Variants in NXPE2 observed in about 807,000 individuals in gnomAD.
The protein encoded by NXPE2 is neurexophilin and PC-esterase domain family member 2.
In NXPE2, 34 loss-of-function variants were observed where a neutral mutation model predicts 34.4. That is an observed-to-expected ratio of 0.99 (90% CI 0.75 to 1.31). The LOEUF (loss-of-function observed/expected upper bound fraction) is 1.31. Among genes scored for constraint, NXPE2 ranks in the 40% most tolerant of loss-of-function variants. The pLI is 0.00. For missense variants in NXPE2, 649 were observed against 672.5 expected, an observed-to-expected ratio of 0.97 and a Z score of 0.39; for synonymous variants, 235 against 231.3, an observed-to-expected ratio of 1.02 and a Z score of -0.15.
chr11:114,528,004 C>T, the NXPE2 span: 1 of 731,838 alleles, frequency 1.4e-6, no homozygotes, highest in Non-Finnish European at 2.2e-6. Context: ...TTTTCTATAA[C>T]TGGAAGCTGT....
chr11:114,513,876 A>G, the NXPE2 span, among the ~76,000 whole-genome samples: 1 of 150,942 alleles, frequency 6.6e-6, no homozygotes, highest in Admixed American at 6.6e-5. Flanking sequence ...GACTTTTTGT[A>G]AAAATTCATT....
At chr11:114,464,933 A>C in the NXPE2 span, among the ~76,000 whole-genome samples, 1 of 152,214 alleles carries the variant, frequency 6.6e-6, no homozygotes, top group Admixed American at 6.5e-5. Flanking sequence ...TGAATGTCCA[A>C]TAAACAGGAA....
chr11:114,488,192 C>T, the NXPE2 span, among the ~76,000 whole-genome samples: 1 of 152,002 alleles, frequency 6.6e-6, no homozygotes, highest in Admixed American at 6.6e-5. Context: ...TGTGATTGGC[C>T]TATTTAGGTT....
chr11:114,500,908 T>C, the NXPE2 span, among the ~76,000 whole-genome samples: 2 of 152,218 alleles, frequency 1.3e-5, no homozygotes, highest in Non-Finnish European at 2.9e-5. Context: ...TTGGTGACTT[T>C]GTTGAAAATC....
the NXPE2 span, among the ~76,000 whole-genome samples, chr11:114,622,144 G>A: frequency 6.6e-6 from 1 of 152,048 alleles, no homozygotes; most frequent in African/African-American, 2.4e-5. Flanking sequence ...ATTGCCTCAT[G>A]GGTAGCCACT....
At chr11:114,517,624 G>T in the NXPE2 span, among the ~76,000 whole-genome samples, 56 of 152,316 alleles carry the variant, frequency 3.7e-4, no homozygotes, top group African/African-American at 1.3e-3. Flanking sequence ...TGGGCCCAGT[G>T]CTAAGGACTA....
rs1272477488 is a variant in NXPE2, at chr11:114,694,736, G to A, written c.133-3309G>A. ...CAGTCTGTTCATGAGTTCATCAAAG[G>A]TGTTCTTTATTCTGATATAGTGTTT... is the stretch of plus-strand genomic sequence containing the variant. On this transcript the variant is annotated intron_variant, in intron 2 of 5. Coordinates refer to ENST00000389586, the MANE Select transcript of NXPE2 (RefSeq NM_182495.6). Among the ~76,000 whole-genome samples, 4 of 152,102 alleles carry A rather than the reference G, an allele frequency of 2.6e-5. No individual in the cohort carries two copies. The East Asian group carries it at 7.7e-4, about 29-fold the overall frequency.
chr11:114,609,736 A>G, the NXPE2 span, among the ~76,000 whole-genome samples: 15 of 140,580 alleles, frequency 1.1e-4, no homozygotes, highest in East Asian at 4.6e-4. Flanking sequence ...TGCCTCATGG[A>G]TAACCACTGT....
the NXPE2 span, among the ~76,000 whole-genome samples, chr11:114,800,040 GA>G: frequency 6.6e-6 from 1 of 152,078 alleles, no homozygotes; most frequent in East Asian, 1.9e-4. Flanking sequence ...CTTGGTCTGT[GA>G]CTTCCGGCTA....
the NXPE2 span, among the ~76,000 whole-genome samples, chr11:114,611,252 G>C: frequency 6.6e-6 from 1 of 151,790 alleles, no homozygotes; most frequent in Non-Finnish European, 1.5e-5. Context: ...AATAGGTATT[G>C]CTTCTAGGGT....
At chr11:114,758,078 TAGAA>T in the NXPE2 span, among the ~76,000 whole-genome samples, 4 of 152,350 alleles carry the variant, frequency 2.6e-5, no homozygotes, top group South Asian at 2.1e-4. Context: ...TCCACAGGTG[TAGAA>T]AGAGTGAATT....
At chr11:114,586,177 A>T in the NXPE2 span, among the ~76,000 whole-genome samples, 3 of 152,192 alleles carry the variant, frequency 2.0e-5, no homozygotes, top group African/African-American at 4.8e-5. Flanking sequence ...GGACCAAAAG[A>T]CCCACTTAAA....
the NXPE2 span, among the ~76,000 whole-genome samples, chr11:114,484,425 C>T: frequency 6.6e-6 from 1 of 152,128 alleles, no homozygotes; most frequent in African/African-American, 2.4e-5. Context: ...TCTTTCTCCT[C>T]TCTGGGCTTG....
At chr11:114,500,224 T>G in the NXPE2 span, among the ~76,000 whole-genome samples, 1 of 152,100 alleles carries the variant, frequency 6.6e-6, no homozygotes, top group South Asian at 2.1e-4. Context: ...ATATATTCCA[T>G]ACAGAAATGC....
At chr11:114,666,730 T>C in the NXPE2 span, among the ~76,000 whole-genome samples, 64 of 152,234 alleles carry the variant, frequency 4.2e-4, no homozygotes, top group African/African-American at 1.5e-3. Context: ...GGCATATGCA[T>C]GTGAGAAGCT....
the NXPE2 span, chr11:114,582,298 G>A: frequency 6.4e-7 from 1 of 1,572,204 alleles, no homozygotes; most frequent in Admixed American, 1.9e-5. Context: ...CTTTCAAAGA[G>A]GCTCTTTTCT....
the NXPE2 span, among the ~76,000 whole-genome samples, chr11:114,605,073 G>GGGA: frequency 6.0e-4 from 91 of 151,424 alleles, no homozygotes; most frequent in African/African-American, 2.1e-3. Context: ...GTTACCCAGT[G>GGGA]GATAATAAAT....
the NXPE2 span, chr11:114,571,333 C>T: frequency 1.2e-6 from 2 of 1,614,036 alleles, no homozygotes; most frequent in Non-Finnish European, 1.7e-6. Flanking sequence ...GTGAGGTACT[C>T]CATCTCTTTG....
At chr11:114,682,994 T>C (rs562654505) in intron 2 of NXPE2, among the ~76,000 whole-genome samples, 16 of 152,012 alleles carry the variant, frequency 1.1e-4, no homozygotes, top group Non-Finnish European at 2.2e-4. Flanking sequence ...AAATATCTTA[T>C]AATTTATTAA....
Sources: gnomAD v4.1 joint callset for allele counts (sites outside exome capture counted in the v4.1 genomes callset) on GRCh38, gnomAD v4.1.1 for gene constraint, MANE v1.5 for transcripts, NCBI Gene and HGNC (gene_info 2026-07-23, HGNC 2026-07-21) for gene names.